SCIN: variants seen among roughly 807,000 people sequenced by gnomAD.
SCIN encodes adseverin.
Under a neutral mutation model 91.8 loss-of-function variants are expected in SCIN, and 91 were observed. The observed-to-expected ratio is 0.99, with a 90% CI of 0.84 to 1.18. The LOEUF is 1.18. SCIN is among the 50% of genes most tolerant of loss of function. SCIN has a pLI of 0.00. For missense variants in SCIN, 1,087 were observed against 863.9 expected (o/e 1.26, Z -3.24); for synonymous variants, 367 against 312.6 (o/e 1.17, Z -1.84).
chr7:12,591,847 A>C (rs1288863782), intron 3 of SCIN, among the ~76,000 whole-genome samples: 1 of 152,120 alleles, frequency 6.6e-6, no homozygotes, highest in Non-Finnish European at 1.5e-5. Flanking sequence ...TTCCTAAGTA[A>C]GTCATCATGG....
intron 4 of SCIN, among the ~76,000 whole-genome samples, chr7:12,606,846 C>T (rs1013110554): frequency 6.6e-6 from 1 of 152,134 alleles, no homozygotes; most frequent in African/African-American, 2.4e-5. Flanking sequence ...ACTGGATTTT[C>T]ATTGGTTAGA....
At chr7:12,628,891 G>T (rs557492862) in intron 8 of SCIN, among the ~76,000 whole-genome samples, 4 of 152,120 alleles carry the variant, frequency 2.6e-5, no homozygotes, top group African/African-American at 9.7e-5. Context: ...GCTTAATACT[G>T]TAGAGGAAGC....
chr7:12,636,119 G>C lies in SCIN; in HGVS notation c.1394G>C (p.Gly465Ala). ...ACTGTTCAGTTGGATCGGTCCCTTG[G>C]AGGACAGGCTGTGCAGGTTGGGATA... ...FLTVQLDRSL[G>A]GQAVQIRVSQ... Residue 465 changes from glycine (G) to alanine (A), a missense_variant, in exon 10 of 16, where the codon GGA (glycine) becomes GCA (alanine). Coordinates refer to ENST00000297029, the MANE Select transcript of SCIN (RefSeq NM_001112706.3). 1 of 1,612,608 alleles carries C rather than the reference G, an allele frequency of 6.2e-7. No homozygotes were observed.
chr7:12,584,062 A>G (rs114254860), intron 3 of SCIN, among the ~76,000 whole-genome samples: 6,389 of 152,232 alleles, frequency 0.042, 195 homozygotes, highest in Non-Finnish European at 0.05. Flanking sequence ...AAATACCTCC[A>G]GGATCTGTGT....
intron 4 of SCIN, among the ~76,000 whole-genome samples, chr7:12,617,932 T>G (rs1000188207): frequency 6.6e-6 from 1 of 152,128 alleles, no homozygotes; most frequent in African/African-American, 2.4e-5. Flanking sequence ...TTTTAATGAC[T>G]TGTGATTTTG....
chr7:12,574,617 C>G (rs368999162), intron 1 of SCIN, among the ~76,000 whole-genome samples: 1 of 152,084 alleles, frequency 6.6e-6, no homozygotes, highest in Non-Finnish European at 1.5e-5. Context: ...CAGTGCTATA[C>G]TGTACTATAC....
intron 9 of SCIN, among the ~76,000 whole-genome samples, chr7:12,630,118 A>G (rs1034482074): frequency 6.6e-6 from 1 of 151,862 alleles, no homozygotes; most frequent in Non-Finnish European, 1.5e-5. Context: ...ATATGGTGAC[A>G]TTTCTTTTTG....
At chr7:12,589,904 C>G (rs1014047724) in intron 3 of SCIN, among the ~76,000 whole-genome samples, 1 of 152,148 alleles carries the variant, frequency 6.6e-6, no homozygotes, top group African/African-American at 2.4e-5. Flanking sequence ...TTTGGACTGG[C>G]TCTAATGCTC....
chr7:12,647,446 T>C (rs1353553490), intron 13 of SCIN, among the ~76,000 whole-genome samples: 2 of 152,180 alleles, frequency 1.3e-5, no homozygotes, highest in African/African-American at 4.8e-5. Flanking sequence ...TTAGAACCAA[T>C]CTGCCCATGT....
At chr7:12,641,259 C>A (rs1783852652) in intron 11 of SCIN, among the ~76,000 whole-genome samples, 1 of 152,102 alleles carries the variant, frequency 6.6e-6, no homozygotes, top group African/African-American at 2.4e-5. Context: ...CCTCCACCTG[C>A]AACTTCTTCT....
chr7:12,610,041 G>A (rs1400357479), intron 4 of SCIN, among the ~76,000 whole-genome samples: 3 of 152,180 alleles, frequency 2.0e-5, no homozygotes, highest in African/African-American at 7.2e-5. Flanking sequence ...ATAGAATCGT[G>A]AGGGTCCTCA....
At position 12,657,557 on chromosome 7, in the gene SCIN, TATATATATATA is replaced by T. The variant is rs1784186420; in HGVS notation, c.*4843_*4853del. The T allele has an allele frequency of 1.3e-4, 4 of 29,724 alleles. No homozygotes were observed. Among genetic ancestry groups the T allele is most frequent in the Non-Finnish European group, 3.2e-4 (3 of 9,236 alleles). The allele number at this position is 29,724 out of a possible 1,614,324, so 1.8% of individuals were successfully genotyped here. A position where few individuals can be genotyped will look rare whatever the true frequency, so the allele number is the denominator to read the frequency against. On this transcript the variant is annotated 3_prime_UTR_variant, in exon 16 of 16. Coordinates refer to ENST00000297029, the MANE Select transcript of SCIN (RefSeq NM_001112706.3). ...GTGTGTGTATATATATATATATATA[TATATATATATA>T]TATATTTTTTTTTTTTTTTTTTTTT...
In SCIN at chr7:12,654,588, A is replaced by T. The variant is rs1032678381; in HGVS notation, c.*1873A>T. 1 of 152,184 alleles carries T rather than the reference A, an allele frequency of 6.6e-6. No individual in the cohort carries two copies. The highest frequency in any genetic ancestry group is 1.5e-5 in the Non-Finnish European group (1 of 68,030). The allele number at this position is 152,184 out of a possible 1,614,324, so 9.4% of individuals were successfully genotyped here. ...GGTCAAGCTGAATATTTTTTGAAGGATGATGAGAATAAAATGATTTAATAA... is the reference window on the plus strand; with the variant it reads ...GGTCAAGCTGAATATTTTTTGAAGGTTGATGAGAATAAAATGATTTAATAA... On this transcript the variant is annotated 3_prime_UTR_variant, in exon 16 of 16. Coordinates refer to ENST00000297029, the MANE Select transcript of SCIN (RefSeq NM_001112706.3).
chr7:12,644,422 C>T, intron 12 of SCIN, 107 bp downstream of exon 12: 2 of 1,442,242 alleles, frequency 1.4e-6, no homozygotes, highest in Non-Finnish European at 1.9e-6. Flanking sequence ...TAAGGGTTAA[C>T]AATCTCTCCA....
At chr7:12,620,030 A>T (rs1359496774) in intron 4 of SCIN, among the ~76,000 whole-genome samples, 1 of 152,068 alleles carries the variant, frequency 6.6e-6, no homozygotes, top group African/African-American at 2.4e-5. Flanking sequence ...TTATAAAGGG[A>T]TAATTGACAA....
chr7:12,632,309 T>G (rs1458686703), intron 9 of SCIN, among the ~76,000 whole-genome samples: 1 of 151,850 alleles, frequency 6.6e-6, no homozygotes, highest in Non-Finnish European at 1.5e-5. Flanking sequence ...TTTTGTATTT[T>G]TAGTAGAGAT....
intron 3 of SCIN, among the ~76,000 whole-genome samples, chr7:12,588,015 A>G (rs975618642): frequency 6.6e-5 from 10 of 152,166 alleles, no homozygotes; most frequent in Non-Finnish European, 1.3e-4. Context: ...AATTAAAACT[A>G]TGTTGGCTTT....
chr7:12,625,111 C>T lies in SCIN; in HGVS notation c.861C>T (p.His287=), dbSNP rs747266816. 58 of 1,607,690 alleles carry T rather than the reference C, an allele frequency of 3.6e-5. No individual in the cohort carries two copies. The Admixed American group carries it at 6.1e-4, about 17-fold the overall frequency. Reference sequence around the variant, plus strand: ...CTGAAGAATGCTTTATTTTGGACCACGGGGCTGCCAAACAAATTTTCGTAT... The same window carrying T: ...CTGAAGAATGCTTTATTTTGGACCATGGGGCTGCCAAACAAATTTTCGTAT... ...LLSEECFILD[H]GAAKQIFVWK... The change falls in exon 6 of 16, where the codon CAC becomes CAT. Residue 287 remains histidine (H), a synonymous_variant. Transcript: ENST00000297029.
At chr7:12,593,841 C>A (rs904881329) in intron 3 of SCIN, among the ~76,000 whole-genome samples, 1 of 151,980 alleles carries the variant, frequency 6.6e-6, no homozygotes, top group Non-Finnish European at 1.5e-5. Flanking sequence ...TGAAGGTCAT[C>A]GGCATATGCC....
Sources: allele counts gnomAD v4.1 joint callset (sites outside exome capture counted in the v4.1 genomes callset), GRCh38; gene constraint gnomAD v4.1.1; transcripts MANE v1.5; gene names NCBI Gene and HGNC (gene_info 2026-07-23, HGNC 2026-07-21).